Variants in FDX1 observed in about 807,000 individuals in gnomAD.
FDX1 encodes adrenodoxin, mitochondrial.
FDX1 carries 9 observed loss-of-function variants against 14.9 expected under a neutral mutation model. The observed-to-expected ratio is 0.60, with a 90% confidence interval of 0.36 to 1.05. FDX1 has a LOEUF of 1.05. Ranked by LOEUF, FDX1 falls within the 50% of genes least tolerant of loss-of-function variation. FDX1 has a pLI of 0.01. For synonymous variants in FDX1, 92 were observed against 99.4 expected (o/e 0.93, Z 0.44); for missense variants, 204 against 237.2 (o/e 0.86, Z 0.92).
chr11:110,444,723 C>CGT lies in FDX1; in HGVS notation c.310+8766_310+8767dup, dbSNP rs1491244982. 2.5e-3 allele frequency among the ~76,000 whole-genome samples: 60 copies of CGT among 23,910 alleles called. 2 individuals are homozygous for CGT. Among genetic ancestry groups the CGT allele is most frequent in the African/African-American group, 0.013 (51 of 3,790 alleles). 15.7% of individuals were successfully genotyped at this position (23,910 alleles called of 152,430 possible). A position where few individuals can be genotyped will look rare whatever the true frequency, so the allele number is the denominator to read the frequency against. On this transcript the variant is annotated intron_variant, in intron 2 of 3. Transcript: ENST00000260270. ...ATATATACGTATATATATATATATA[C>CGT]GTATATATATATATATATATACACG...
chr11:110,434,735 T>TTG (rs1565379271), intron 1 of FDX1, among the ~76,000 whole-genome samples: 4 of 138,834 alleles, frequency 2.9e-5, no homozygotes, highest in Admixed American at 2.1e-4. Flanking sequence ...GTTTTTTTTT[T>TTG]TTTTTTTTTT....
chr11:110,449,355 A>G (rs1037846777), intron 2 of FDX1, among the ~76,000 whole-genome samples: 3 of 152,216 alleles, frequency 2.0e-5, no homozygotes, highest in Non-Finnish European at 2.9e-5. Context: ...GGTGTTCCTA[A>G]ATCAGGTTAT....
At chr11:110,445,225 A>G (rs1008318344) in intron 2 of FDX1, among the ~76,000 whole-genome samples, 1 of 152,220 alleles carries the variant, frequency 6.6e-6, no homozygotes, top group Non-Finnish European at 1.5e-5. Flanking sequence ...TTTTACATGA[A>G]GTTACATATT....
At chr11:110,460,868 T>C (rs1047482450) in intron 3 of FDX1, among the ~76,000 whole-genome samples, 9 of 152,222 alleles carry the variant, frequency 5.9e-5, no homozygotes, top group African/African-American at 1.9e-4. Flanking sequence ...ATGCTGTCTC[T>C]TTAGTGCATC....
In FDX1 at chr11:110,453,075, G is replaced by A. The variant is rs113783827; in HGVS notation, c.311-3843G>A. Among the ~76,000 whole-genome samples, 1,083 of 152,268 alleles carry A rather than the reference G, an allele frequency of 7.1e-3. 10 individuals carry two copies. Among genetic ancestry groups the A allele is most frequent in the African/African-American group, 0.024 (1,002 of 41,550 alleles). On this transcript the variant is annotated intron_variant, in intron 2 of 3. Transcript: ENST00000260270. ...GAACTGGCCAGGTGCGGTGGCTCAC[G>A]CCTGTAACCTCAGCACTTTGGGAGG... is the stretch of plus-strand genomic sequence containing the variant.
chr11:110,438,347 C>G (rs1031457418), intron 2 of FDX1, among the ~76,000 whole-genome samples: 4 of 152,106 alleles, frequency 2.6e-5, no homozygotes, highest in African/African-American at 9.7e-5. Flanking sequence ...GATGGTATCT[C>G]ATTGTGGTTT....
intron 2 of FDX1, among the ~76,000 whole-genome samples, chr11:110,444,748 G>GTA (rs538386755): frequency 0.029 from 859 of 29,794 alleles, 31 homozygotes; most frequent in South Asian, 0.07. Flanking sequence ...ATATATACAC[G>GTA]TATATATATA....
rs181887035 is a variant in FDX1, at chr11:110,450,330, A to T, written c.311-6588A>T. On this transcript the variant is annotated intron_variant, in intron 2 of 3. Coordinates refer to ENST00000260270, the MANE Select transcript of FDX1 (RefSeq NM_004109.5). ...AGACAGTAACAGATCATCAGGCATT[A>T]GATTCTCATAAGGAGGGTGCACCCT... 3.0e-3 allele frequency among the ~76,000 whole-genome samples: 461 copies of T among 152,064 alleles called. 1 individual carries two copies. Among genetic ancestry groups the T allele is most frequent in the African/African-American group, 0.01 (427 of 41,452 alleles).
rs1422096936 is a variant in FDX1 at position 110,435,843 on chromosome 11, T to C, written c.195T>C (p.Asp65=). 6.3e-7 allele frequency: 1 copy of C among 1,598,620 alleles called. No individual in the cohort carries two copies. The highest frequency in any genetic ancestry group is 1.3e-5 in the African/African-American group (1 of 74,388). The change falls in exon 2 of 4, where the codon GAT becomes GAC. Residue 65 remains aspartate (D), a synonymous_variant. Transcript: ENST00000260270. ...CTGTTTTTTTTTCCAGCTCAGAAGATAAAATAACAGTCCACTTTATAAACC... is the reference window on the plus strand; with the variant it reads ...CTGTTTTTTTTTCCAGCTCAGAAGACAAAATAACAGTCCACTTTATAAACC... ...VSARARSSSE[D]KITVHFINRD... is the part of the protein sequence containing the mutation.
intron 2 of FDX1, among the ~76,000 whole-genome samples, chr11:110,447,540 C>T (rs1946459720): frequency 6.6e-6 from 1 of 152,144 alleles, no homozygotes; most frequent in African/African-American, 2.4e-5. Context: ...CATTATCTGG[C>T]CCCATCTGCC....
At chr11:110,446,749 C>G (rs1946452333) in intron 2 of FDX1, among the ~76,000 whole-genome samples, 1 of 152,214 alleles carries the variant, frequency 6.6e-6, no homozygotes, top group African/African-American at 2.4e-5. Context: ...CCTGTTGGCT[C>G]CATCCCTACA....
At chr11:110,436,035 T>A in intron 2 of FDX1, 77 bp downstream of exon 2, 1 of 1,320,306 alleles carries the variant, frequency 7.6e-7, no homozygotes, top group Non-Finnish European at 1.1e-6. Context: ...TTTTTTTTTT[T>A]GAAGAAGTTT....
At chr11:110,461,145 A>T (rs1447998594) in intron 3 of FDX1, among the ~76,000 whole-genome samples, 1 of 152,212 alleles carries the variant, frequency 6.6e-6, no homozygotes, top group Non-Finnish European at 1.5e-5. Flanking sequence ...TTTTCTGAAT[A>T]TTGAAAGAGT....
chr11:110,439,825 C>A (rs1196570642), intron 2 of FDX1, among the ~76,000 whole-genome samples: 2 of 152,072 alleles, frequency 1.3e-5, no homozygotes, highest in African/African-American at 4.8e-5. Context: ...ACATTTAAGT[C>A]TTTAATCTAT....
intron 2 of FDX1, among the ~76,000 whole-genome samples, chr11:110,442,775 T>C (rs1256398071): frequency 6.6e-6 from 1 of 152,210 alleles, no homozygotes; most frequent in East Asian, 1.9e-4. Context: ...TTTTGAAATG[T>C]GAGGACATGA....
At chr11:110,439,162 T>TG (rs1946389560) in intron 2 of FDX1, among the ~76,000 whole-genome samples, 1 of 151,776 alleles carries the variant, frequency 6.6e-6, no homozygotes, top group South Asian at 2.1e-4. Flanking sequence ...CACCTTGGCC[T>TG]CCCAAGTACT....
intron 3 of FDX1, among the ~76,000 whole-genome samples, chr11:110,461,778 G>T (rs1453119869): frequency 6.6e-6 from 1 of 152,130 alleles, no homozygotes; most frequent in East Asian, 1.9e-4. Flanking sequence ...GCTGTGACAT[G>T]ACCATTACCT....
chr11:110,444,702 ATACG>A lies in FDX1; in HGVS notation c.310+8747_310+8750del, dbSNP rs1207963279. On this transcript the variant is annotated intron_variant, in intron 2 of 3. Transcript: ENST00000260270. The stretch of plus-strand genomic sequence containing the variant: ...TATATATACACGTATATATATATAT[ATACG>A]TATATATATATATATACGTATATAT... Among the ~76,000 whole-genome samples, 288 of 55,998 alleles carry A rather than the reference ATACG, an allele frequency of 5.1e-3. 13 individuals are homozygous for A. Among genetic ancestry groups the A allele is most frequent in the African/African-American group, 0.022 (249 of 11,284 alleles). 36.7% of individuals were successfully genotyped at this position (55,998 alleles called of 152,430 possible).
intron 1 of FDX1, among the ~76,000 whole-genome samples, chr11:110,432,395 T>A (rs34009959): frequency 0.18 from 27,149 of 151,954 alleles, 2,596 homozygotes; most frequent in Non-Finnish European, 0.22. Context: ...TTGCGGATTT[T>A]AAAAAAATTT....
Sources: allele counts gnomAD v4.1 joint callset (sites outside exome capture counted in the v4.1 genomes callset), GRCh38; gene constraint gnomAD v4.1.1; transcripts MANE v1.5; gene names NCBI Gene and HGNC (gene_info 2026-07-23, HGNC 2026-07-21).